ADCY5: variants seen among roughly 807,000 people sequenced by gnomAD.
The protein encoded by ADCY5 is adenylate cyclase 5.
ADCY5 carries 30 observed loss-of-function variants against 119.7 expected under a neutral mutation model. The observed-to-expected ratio is 0.25, with a 90% CI of 0.19 to 0.34. The LOEUF (loss-of-function observed/expected upper bound fraction) is 0.34. Among genes scored for constraint, ADCY5 ranks in the 10% least tolerant of loss-of-function variants. The pLI, the probability that ADCY5 is intolerant of heterozygous loss-of-function variation, is 1.00. For missense variants in ADCY5, 1,324 were observed against 1,775.2 expected (o/e 0.75, Z 4.57); for synonymous variants, 753 against 762.2 (o/e 0.99, Z 0.20).
chr3:123,295,802 T>C (rs556617972), intron 17 of ADCY5, among the ~76,000 whole-genome samples: 14 of 152,304 alleles, frequency 9.2e-5, no homozygotes, highest in African/African-American at 3.4e-4. Context: ...CAGTATTTGC[T>C]GACTTCAAAG....
In ADCY5 at chr3:123,309,929, C is replaced by T. The variant is rs143469800; in HGVS notation, c.2442+4306G>A. On this transcript the variant is annotated intron_variant, in intron 12 of 20. Transcript: ENST00000462833. ...AACCAGCAAGGTGGGTTTAGCTACA[C>T]GCAGGCTGCAGGGAGAGGAGGAGAG... Among the ~76,000 whole-genome samples the T allele has an allele frequency of 5.0e-3, 761 of 152,102 alleles. 2 individuals carry two copies. Among genetic ancestry groups the T allele is most frequent in the Middle Eastern group, 0.031 (9 of 294 alleles).
intron 1 of ADCY5, among the ~76,000 whole-genome samples, chr3:123,399,755 T>G (rs1476673868): frequency 6.6e-6 from 1 of 152,228 alleles, no homozygotes; most frequent in African/African-American, 2.4e-5. Context: ...TGCTGAATCT[T>G]TCATCCCAGG....
intron 3 of ADCY5, among the ~76,000 whole-genome samples, chr3:123,337,419 A>G (rs991516980): frequency 1.3e-5 from 2 of 152,150 alleles, no homozygotes; most frequent in African/African-American, 4.8e-5. Flanking sequence ...ACCACCAACC[A>G]AGTGGCTGAA....
chr3:123,345,480 A>ACAAT (rs2108469036), intron 3 of ADCY5, among the ~76,000 whole-genome samples: 1 of 152,316 alleles, frequency 6.6e-6, no homozygotes, highest in Non-Finnish European at 1.5e-5. Flanking sequence ...GGTGCCAGGG[A>ACAAT]CAATGCCTGG....
intron 1 of ADCY5, among the ~76,000 whole-genome samples, chr3:123,356,188 T>C (rs1019106480): frequency 7.2e-5 from 11 of 152,142 alleles, no homozygotes; most frequent in Non-Finnish European, 1.5e-4. Context: ...ACTATAGATA[T>C]AAAACCCTTA....
At chr3:123,445,887 A>C (rs1223305956) in intron 1 of ADCY5, among the ~76,000 whole-genome samples, 1 of 152,230 alleles carries the variant, frequency 6.6e-6, no homozygotes, top group African/African-American at 2.4e-5. Flanking sequence ...CACTGGACAG[A>C]CAGCAAAACA....
chr3:123,316,811 GA>G (rs547183025), intron 11 of ADCY5, among the ~76,000 whole-genome samples: 6 of 152,074 alleles, frequency 3.9e-5, no homozygotes, highest in Non-Finnish European at 7.4e-5. Flanking sequence ...GGTTAAGGAG[GA>G]AAATGTCCTT....
rs112940680 is a variant in ADCY5 at position 123,289,862 on chromosome 3, G to A, written c.3420C>T (p.Tyr1140=). 4.3e-4 allele frequency: 692 copies of A among 1,614,232 alleles called. 19 individuals are homozygous for A. The East Asian group carries it at 5.8e-3, about 14-fold the overall frequency. ...TGATGTGGGTCTTGCCCACCTTGTC[G>A]TAGGTAGAGTCGTTGAGGCCGGAGG... ...MAASGLNDST[Y]DKVGKTHIKA... The change falls in exon 19 of 21, where the codon TAC becomes TAT. Residue 1140 remains tyrosine, a synonymous_variant. Transcript: ENST00000462833.
In ADCY5 at chr3:123,287,995, A is replaced by G. The variant is rs531124266; in HGVS notation, c.3533-1186T>C. ...GTGGACGAGATGGGGTGAAAGGAAA[A>G]CAAGAATGGCAATGTTACACAAGAC... On this transcript the variant is annotated intron_variant, in intron 19 of 20. Coordinates refer to ENST00000462833, the MANE Select transcript of ADCY5 (RefSeq NM_183357.3). Among the ~76,000 whole-genome samples the G allele has an allele frequency of 1.5e-3, 231 of 152,372 alleles. 1 individual carries two copies. The highest frequency in any genetic ancestry group is 5.4e-3 in the African/African-American group (223 of 41,586).
intron 1 of ADCY5, among the ~76,000 whole-genome samples, chr3:123,393,697 C>T (rs1944461207): frequency 6.6e-6 from 1 of 152,066 alleles, no homozygotes; most frequent in African/African-American, 2.4e-5. Context: ...GGAGGTCATC[C>T]TTGTTATGAA....
chr3:123,340,418 C>A (rs962005515), intron 3 of ADCY5, among the ~76,000 whole-genome samples: 1 of 152,182 alleles, frequency 6.6e-6, no homozygotes, highest in Admixed American at 6.5e-5. Context: ...TACCCAAGCC[C>A]AGAATAATAC....
chr3:123,349,903 C>T (rs1942750151), intron 2 of ADCY5, among the ~76,000 whole-genome samples: 1 of 152,214 alleles, frequency 6.6e-6, no homozygotes. Context: ...TACACCAGAC[C>T]ATGTCGCCTT....
chr3:123,395,866 G>C (rs1245498610), intron 1 of ADCY5, among the ~76,000 whole-genome samples: 1 of 150,318 alleles, frequency 6.7e-6, no homozygotes, highest in African/African-American at 2.5e-5. Context: ...CTGGGAAACA[G>C]AGTGAAGATC....
chr3:123,399,578 G>A (rs1172803271), intron 1 of ADCY5, among the ~76,000 whole-genome samples: 1 of 152,084 alleles, frequency 6.6e-6, no homozygotes, highest in African/African-American at 2.4e-5. Flanking sequence ...TTTTGAAGTG[G>A]AGAGTACATT....
intron 1 of ADCY5, among the ~76,000 whole-genome samples, chr3:123,405,684 G>C (rs548748198): frequency 6.6e-6 from 1 of 152,206 alleles, no homozygotes; most frequent in East Asian, 1.9e-4. Context: ...GTCCAGGCCA[G>C]AGTGCGGTGG....
intron 1 of ADCY5, among the ~76,000 whole-genome samples, chr3:123,355,918 T>G (rs1340451764): frequency 1.3e-5 from 2 of 152,192 alleles, no homozygotes; most frequent in African/African-American, 4.8e-5. Context: ...AGACTTACTA[T>G]AAAGCTACAG....
At chr3:123,331,706 C>T (rs1298592658) in intron 4 of ADCY5, among the ~76,000 whole-genome samples, 1 of 152,128 alleles carries the variant, frequency 6.6e-6, no homozygotes, top group African/African-American at 2.4e-5. Context: ...CCAACTCTGG[C>T]TCCCAAAGAT....
At chr3:123,391,825 T>C (rs1032410632) in intron 1 of ADCY5, among the ~76,000 whole-genome samples, 2 of 152,188 alleles carry the variant, frequency 1.3e-5, no homozygotes, top group Non-Finnish European at 2.9e-5. Context: ...CAGGACCTTA[T>C]GCTATAGTCC....
intron 1 of ADCY5, among the ~76,000 whole-genome samples, chr3:123,372,486 C>T (rs574534115): frequency 6.6e-6 from 1 of 152,318 alleles, no homozygotes; most frequent in South Asian, 2.1e-4. Context: ...GAAGCAGCAC[C>T]CCTTCCCAGA....
Sources: gnomAD v4.1 joint callset for allele counts (sites outside exome capture counted in the v4.1 genomes callset) on GRCh38, gnomAD v4.1.1 for gene constraint, MANE v1.5 for transcripts, NCBI Gene and HGNC (gene_info 2026-07-23, HGNC 2026-07-21) for gene names.